The following MCTP1 variants were observed in gnomAD, a reference collection of about 807,000 sequenced individuals.
MCTP1 encodes the protein multiple C2 and transmembrane domain containing 1.
Under a neutral mutation model 120.6 loss-of-function variants are expected in MCTP1, and 69 were observed. The ratio of observed to expected loss-of-function variants is 0.57; its 90% CI spans 0.47 to 0.70. The LOEUF (loss-of-function observed/expected upper bound fraction) is 0.70, where lower values mean the gene tolerates loss of function less well. Among genes scored for constraint, MCTP1 ranks in the 30% least tolerant of loss-of-function variants. MCTP1 has a pLI of 0.00. For missense variants in MCTP1, 1,203 were observed against 1,248.8 expected, an observed-to-expected ratio of 0.96 and a Z score of 0.55; for synonymous variants, 529 against 493.1, an observed-to-expected ratio of 1.07 and a Z score of -0.96.
intron 1 of MCTP1, among the ~76,000 whole-genome samples, chr5:95,049,448 G>A (rs572537504): frequency 6.6e-6 from 1 of 152,212 alleles, no homozygotes; most frequent in East Asian, 1.9e-4. Flanking sequence ...TGCTAAAATA[G>A]TTCAAATAAG....
At chr5:95,038,235 C>G (rs757458725) in intron 1 of MCTP1, 1 of 359,678 alleles carries the variant, frequency 2.8e-6, no homozygotes, top group Non-Finnish European at 3.9e-6. Flanking sequence ...ACAAAGTATC[C>G]TTCAGTGAAT....
intron 1 of MCTP1, among the ~76,000 whole-genome samples, chr5:95,072,328 G>C (rs1399405164): frequency 6.6e-6 from 1 of 152,060 alleles, no homozygotes; most frequent in African/African-American, 2.4e-5. Flanking sequence ...ATTACATAAG[G>C]CTGGGGGAAT....
At chr5:95,143,963 CT>C (rs1293896667) in intron 1 of MCTP1, among the ~76,000 whole-genome samples, 1 of 152,136 alleles carries the variant, frequency 6.6e-6, no homozygotes, top group African/African-American at 2.4e-5. Context: ...GTTTGAAGTT[CT>C]TTGAGAAATC....
chr5:95,168,171 G>T (rs1196069807), intron 1 of MCTP1, among the ~76,000 whole-genome samples: 1 of 152,164 alleles, frequency 6.6e-6, no homozygotes, highest in Non-Finnish European at 1.5e-5. Context: ...CCCATTTCCT[G>T]TTTTTGTCAG....
At position 95,177,761 on chromosome 5, in the gene MCTP1, A is replaced by C. The variant is rs1316610299; in HGVS notation, c.720+106095T>G. 2.0e-5 allele frequency among the ~76,000 whole-genome samples: 3 copies of C among 152,198 alleles called. No individual in the cohort carries two copies. The East Asian group carries it at 5.8e-4, about 29-fold the overall frequency. ...GTTAATGTACACTGACTGGTAACCAAAATTGGAATTTTGCTTGTGTCTATT... is the reference window on the plus strand; with the variant it reads ...GTTAATGTACACTGACTGGTAACCACAATTGGAATTTTGCTTGTGTCTATT... On this transcript the variant is annotated intron_variant, in intron 1 of 22. Transcript: ENST00000515393.
intron 1 of MCTP1, chr5:95,166,198 C>A (rs1291022303): frequency 6.6e-6 from 1 of 152,212 alleles, no homozygotes; most frequent in Non-Finnish European, 1.5e-5. Flanking sequence ...GCTTTTTGCA[C>A]TTTTTCCCCT....
At chr5:95,163,541 T>C (rs751995118) in intron 1 of MCTP1, among the ~76,000 whole-genome samples, 1 of 152,232 alleles carries the variant, frequency 6.6e-6, no homozygotes, top group Non-Finnish European at 1.5e-5. Flanking sequence ...TAGAGAGCAG[T>C]AGGACTGCCT....
chr5:95,038,279 T>A, intron 1 of MCTP1: 1 of 252,226 alleles, frequency 4.0e-6, no homozygotes, highest in East Asian at 1.8e-4. Context: ...ACCATTTTTG[T>A]AAATTCTGGT....
intron 1 of MCTP1, among the ~76,000 whole-genome samples, chr5:95,041,935 C>G (rs12652623): frequency 0.094 from 14,341 of 152,216 alleles, 1,020 homozygotes; most frequent in East Asian, 0.37. Context: ...TCAACTGAAT[C>G]TGCCCCGTTT....
intron 2 of MCTP1, among the ~76,000 whole-genome samples, chr5:94,988,202 T>C (rs998822): frequency 0.13 from 19,805 of 152,194 alleles, 2,193 homozygotes; most frequent in African/African-American, 0.3. Context: ...TAAAGCATAT[T>C]TACTCTTCAT....
At chr5:95,219,000 C>A (rs957750866) in intron 1 of MCTP1, among the ~76,000 whole-genome samples, 2 of 152,272 alleles carry the variant, frequency 1.3e-5, no homozygotes, top group Middle Eastern at 3.4e-3. Context: ...GACTGTACTT[C>A]ATCTGGTTTT....
At chr5:94,979,405 A>T (rs189818854) in intron 2 of MCTP1, 7 of 152,268 alleles carry the variant, frequency 4.6e-5, no homozygotes, top group Admixed American at 1.3e-4. Context: ...GTATACGGTG[A>T]TCAGATGGGA....
chr5:95,216,101 T>G lies in MCTP1; in HGVS notation c.720+67755A>C, dbSNP rs553729664. Among the ~76,000 whole-genome samples the G allele has an allele frequency of 1.3e-4, 20 of 152,324 alleles. No homozygotes were observed. In the South Asian group the frequency reaches 2.3e-3, roughly 17 times the overall value. On this transcript the variant is annotated intron_variant, in intron 1 of 22. Transcript: ENST00000515393. ...AACATATTATAAATAAATTAACTCT[T>G]ATCTTTGGCATTTGTTATATCCATT...
chr5:95,015,627 T>C (rs1836947677), intron 2 of MCTP1, among the ~76,000 whole-genome samples: 1 of 152,134 alleles, frequency 6.6e-6, no homozygotes, highest in Admixed American at 6.6e-5. Context: ...ACGTTGCATA[T>C]TGTTGATACT....
chr5:94,978,928 C>T (rs66689017), intron 2 of MCTP1: 1 of 151,622 alleles, frequency 6.6e-6, no homozygotes, highest in Non-Finnish European at 1.5e-5. Context: ...CAGAAGCCTA[C>T]TGCCTACTGA....
At chr5:94,774,714 T>C (rs1774917135) in intron 19 of MCTP1, among the ~76,000 whole-genome samples, 1 of 152,216 alleles carries the variant, frequency 6.6e-6, no homozygotes, top group Non-Finnish European at 1.5e-5. Context: ...TGTGGCAATT[T>C]GTTATGCAGC....
intron 19 of MCTP1, among the ~76,000 whole-genome samples, chr5:94,774,936 C>G (rs1418442941): frequency 6.6e-6 from 1 of 152,138 alleles, no homozygotes; most frequent in Admixed American, 6.5e-5. Context: ...CACTTCTCAT[C>G]CCCCTAACCC....
In MCTP1 at chr5:94,706,198, C is replaced by CTGAG. The variant is rs1023455492; in HGVS notation, c.*1294_*1297dup. The CTGAG allele has an allele frequency of 6.6e-6, 1 of 151,592 alleles. No homozygotes were observed. The highest frequency in any genetic ancestry group is 1.5e-5 in the Non-Finnish European group (1 of 67,720). 9.4% of individuals were successfully genotyped at this position (151,592 alleles called of 1,614,324 possible). On this transcript the variant is annotated 3_prime_UTR_variant, in exon 23 of 23. Coordinates refer to ENST00000515393, the MANE Select transcript of MCTP1 (RefSeq NM_024717.7). ...AAAGCATTGTCTGCTGCAATTTCAA[C>CTGAG]TGAGTGTAGTCCCCTACCAAGTCAG...
In MCTP1 at chr5:95,121,184, A is replaced by C. The variant is rs563071975; in HGVS notation, c.721-103700T>G. On this transcript the variant is annotated intron_variant, in intron 1 of 22. Coordinates refer to ENST00000515393, the MANE Select transcript of MCTP1 (RefSeq NM_024717.7). ...TCCCAGCCACTCAGGAGGCTGAGGC[A>C]GGAGAATGGCGTGAACCCAGGAGGC... Among the ~76,000 whole-genome samples, 9 of 146,680 alleles carry C rather than the reference A, an allele frequency of 6.1e-5. No individual in the cohort carries two copies. In the East Asian group the frequency reaches 1.5e-3, roughly 24 times the overall value.
Sources: gnomAD v4.1 joint callset for allele counts (sites outside exome capture counted in the v4.1 genomes callset) on GRCh38, gnomAD v4.1.1 for gene constraint, MANE v1.5 for transcripts, NCBI Gene and HGNC (gene_info 2026-07-23, HGNC 2026-07-21) for gene names.